COL4A4: variants seen among roughly 807,000 people sequenced by gnomAD.
COL4A4 encodes the protein collagen alpha-4(IV) chain.
A neutral mutation model predicts 192.9 loss-of-function variants in COL4A4; 105 were observed. The ratio of observed to expected loss-of-function variants is 0.54; its 90% CI spans 0.46 to 0.64. The LOEUF (loss-of-function observed/expected upper bound fraction) is 0.64. Among genes scored for constraint, COL4A4 ranks in the 30% least tolerant of loss-of-function variants. The pLI is 0.00. For missense variants in COL4A4, 1,967 were observed against 2,169.3 expected, an observed-to-expected ratio of 0.91 and a Z score of 1.85; for synonymous variants, 762 against 769.9, an observed-to-expected ratio of 0.99 and a Z score of 0.17.
intron 27 of COL4A4, among the ~76,000 whole-genome samples, chr2:227,059,871 T>C (rs1016706956): frequency 3.3e-5 from 5 of 152,116 alleles, no homozygotes; most frequent in Non-Finnish European, 5.9e-5. Context: ...CTGGCTGGAC[T>C]GAGTAGTTTC....
chr2:227,143,016 A>ACATG (rs1388396019), intron 3 of COL4A4, among the ~76,000 whole-genome samples: 2 of 139,546 alleles, frequency 1.4e-5, no homozygotes, highest in African/African-American at 6.7e-5. Flanking sequence ...ACACACACAC[A>ACATG]CACGCACACA....
At chr2:227,122,870 A>T (rs371156063) in intron 4 of COL4A4, among the ~76,000 whole-genome samples, 1 of 150,816 alleles carries the variant, frequency 6.6e-6, no homozygotes, top group African/African-American at 2.5e-5. Context: ...ATTTATTATT[A>T]TTATTTTTTT....
chr2:227,135,402 G>A (rs1449849198), intron 4 of COL4A4, among the ~76,000 whole-genome samples: 1 of 152,176 alleles, frequency 6.6e-6, no homozygotes, highest in Admixed American at 6.5e-5. Context: ...TGTTGCTGCT[G>A]CTCAAAGTGC....
At chr2:227,069,725 G>A (rs891577278) in intron 25 of COL4A4, among the ~76,000 whole-genome samples, 5 of 152,090 alleles carry the variant, frequency 3.3e-5, no homozygotes, top group Middle Eastern at 6.8e-3. Flanking sequence ...AATTCAAGAC[G>A]GATTAAAGAC....
At chr2:226,973,640 A>T in the COL4A4 span, among the ~76,000 whole-genome samples, 1 of 152,194 alleles carries the variant, frequency 6.6e-6, no homozygotes, top group Non-Finnish European at 1.5e-5. Flanking sequence ...TTTCTTCCAG[A>T]GACAAAGGTA....
intron 27 of COL4A4, 85 bp downstream of exon 27, chr2:227,060,051 T>C: frequency 2.3e-6 from 2 of 879,944 alleles, no homozygotes; most frequent in Admixed American, 2.4e-5. Flanking sequence ...TCAATGAAAT[T>C]ATCCATCGGT....
the COL4A4 span, chr2:226,988,324 A>C: frequency 6.5e-7 from 1 of 1,548,508 alleles, no homozygotes; most frequent in Non-Finnish European, 8.7e-7. Context: ...CCACCTGAAC[A>C]TCTGCAGGAA....
At chr2:226,992,967 C>T in the COL4A4 span, among the ~76,000 whole-genome samples, 1 of 152,144 alleles carries the variant, frequency 6.6e-6, no homozygotes, top group Non-Finnish European at 1.5e-5. Context: ...CTTGAAAGGG[C>T]TTTATAAAGA....
Position 227,059,634 on chromosome 2 carries a change from A to G in COL4A4, c.2165-11T>C, listed in dbSNP as rs745870232. 6 of 1,608,334 alleles carry G rather than the reference A, an allele frequency of 3.7e-6. No homozygotes were observed. Among genetic ancestry groups the G allele is most frequent in the Non-Finnish European group, 5.1e-6 (6 of 1,175,936 alleles). On this transcript the variant is annotated splice_polypyrimidine_tract_variant and intron_variant, in intron 27 of 47. Coordinates refer to ENST00000396625, the MANE Select transcript of COL4A4 (RefSeq NM_000092.5). ...TGTCACCACGAAAACCTATTTAACA[A>G]CAAAAAAAAATTTTTAATGATAACA... is the stretch of plus-strand genomic sequence containing the variant.
chr2:227,067,396 C>A (rs1462136977), intron 25 of COL4A4, among the ~76,000 whole-genome samples: 1 of 152,222 alleles, frequency 6.6e-6, no homozygotes, highest in Non-Finnish European at 1.5e-5. Context: ...CTCTCCACCC[C>A]AAATCAACAG....
chr2:227,088,872 A>G, intron 21 of COL4A4, 56 bp from the exon 22 acceptor site: 12 of 1,587,752 alleles, frequency 7.6e-6, no homozygotes, highest in Non-Finnish European at 9.5e-6. Flanking sequence ...ATCCCCAATA[A>G]GGGCTTTACT....
downstream of COL4A4, among the ~76,000 whole-genome samples, chr2:226,999,369 T>C (rs943168014): frequency 6.6e-6 from 1 of 152,174 alleles, no homozygotes; most frequent in African/African-American, 2.4e-5. Context: ...TTCAGGGCCT[T>C]TGTCAGCCTG....
chr2:227,116,080 G>A (rs2061477120), intron 7 of COL4A4, among the ~76,000 whole-genome samples: 1 of 152,186 alleles, frequency 6.6e-6, no homozygotes, highest in African/African-American at 2.4e-5. Flanking sequence ...CTGCAGCTGA[G>A]GAGTTGGGAG....
chr2:227,020,670 G>A (rs558522386), intron 44 of COL4A4, among the ~76,000 whole-genome samples: 44 of 151,678 alleles, frequency 2.9e-4, no homozygotes, highest in Middle Eastern at 3.4e-3. Context: ...GTGGGGCAGT[G>A]AGGGGGGGTG....
At chr2:227,159,472 A>G (rs1559769153) in intron 1 of COL4A4, among the ~76,000 whole-genome samples, 1 of 152,264 alleles carries the variant, frequency 6.6e-6, no homozygotes, top group Non-Finnish European at 1.5e-5. Flanking sequence ...TTTATGGAAC[A>G]TAGATTATAC....
intron 40 of COL4A4, among the ~76,000 whole-genome samples, chr2:227,031,120 G>A (rs377280933): frequency 9.2e-5 from 14 of 152,178 alleles, no homozygotes; most frequent in African/African-American, 3.1e-4. Context: ...TGTCTGGTGG[G>A]AAAGGAATGT....
At chr2:226,968,913 A>G in the COL4A4 span, 2 of 151,070 alleles carry the variant, frequency 1.3e-5, no homozygotes, top group Admixed American at 6.6e-5. Context: ...ATGGAAGAAG[A>G]TGATATTTGA....
chr2:227,135,959 C>A (rs2062786185), intron 4 of COL4A4, among the ~76,000 whole-genome samples: 1 of 152,008 alleles, frequency 6.6e-6, no homozygotes, highest in Non-Finnish European at 1.5e-5. Context: ...ATTTTAGTTT[C>A]TTAATTTATG....
intron 25 of COL4A4, among the ~76,000 whole-genome samples, chr2:227,070,498 A>G (rs1302421260): frequency 6.6e-6 from 1 of 152,064 alleles, no homozygotes; most frequent in East Asian, 1.9e-4. Flanking sequence ...GACTGGATTA[A>G]GAAAATGTGG....
Sources: allele counts gnomAD v4.1 joint callset (sites outside exome capture counted in the v4.1 genomes callset), GRCh38; gene constraint gnomAD v4.1.1; transcripts MANE v1.5; gene names NCBI Gene and HGNC (gene_info 2026-07-23, HGNC 2026-07-21).